The following USP3 variants were observed in gnomAD, a reference collection of about 807,000 sequenced individuals.
The protein encoded by USP3 is ubiquitin specific peptidase 3.
A neutral mutation model predicts 72.3 loss-of-function variants in USP3; 20 were observed. That is an observed-to-expected ratio of 0.28 (90% CI 0.19 to 0.40). The LOEUF is 0.40. USP3 is among the 10% of genes least tolerant of loss of function. The pLI is 1.00. For missense variants in USP3, 479 were observed against 633.9 expected, an observed-to-expected ratio of 0.76 and a Z score of 2.62; for synonymous variants, 222 against 225.3, an observed-to-expected ratio of 0.99 and a Z score of 0.13.
chr15:63,516,970 C>G (rs1444763728), intron 1 of USP3, among the ~76,000 whole-genome samples: 1 of 149,708 alleles, frequency 6.7e-6, no homozygotes, highest in Non-Finnish European at 1.5e-5. Context: ...TGTTGGGTGT[C>G]CTGAGTGTAG....
intron 3 of USP3, among the ~76,000 whole-genome samples, chr15:63,547,735 AGAG>A (rs1567108398): frequency 1.2e-4 from 5 of 42,434 alleles, no homozygotes; most frequent in East Asian, 6.2e-4. Context: ...AGAGAGAGAG[AGAG>A]AGAGAGGGAG....
intron 8 of USP3, among the ~76,000 whole-genome samples, chr15:63,564,882 A>G (rs1166150116): frequency 1.3e-5 from 2 of 152,208 alleles, no homozygotes; most frequent in East Asian, 3.8e-4. Context: ...TTGAGATTAT[A>G]TCATGGATAA....
intron 3 of USP3, chr15:63,542,068 G>T: frequency 5.1e-6 from 5 of 985,196 alleles, no homozygotes; most frequent in Non-Finnish European, 6.0e-6. Flanking sequence ...AGTGAAGAAT[G>T]GTTTGCTTTG....
At position 63,563,984 on chromosome 15, in the gene USP3, T is replaced by C. The variant is rs531314079; in HGVS notation, c.761+976T>C. On this transcript the variant is annotated intron_variant, in intron 8 of 14. Coordinates refer to ENST00000380324, the MANE Select transcript of USP3 (RefSeq NM_006537.4). ...AAGAAACTCCTTTTATGTATCATAC[T>C]ATTTAAATCTCCTGTCAGGAAAAAC... Among the ~76,000 whole-genome samples, 4 of 152,356 alleles carry C rather than the reference T, an allele frequency of 2.6e-5. No homozygotes were observed. In the South Asian group the frequency reaches 8.3e-4, roughly 32 times the overall value.
Position 63,594,142 on chromosome 15 carries a change from C to CCT in USP3, c.*3320_*3321dup, listed in dbSNP as rs1334927758. 1.3e-5 allele frequency: 2 copies of CCT among 152,292 alleles called. No individual in the cohort carries two copies. Among genetic ancestry groups the CCT allele is most frequent in the Non-Finnish European group, 2.9e-5 (2 of 68,132 alleles). The allele number at this position is 152,292 out of a possible 1,614,324, so 9.4% of individuals were successfully genotyped here. A position where few individuals can be genotyped will look rare whatever the true frequency, so the allele number is the denominator to read the frequency against. ...GGCATATTTATTTCTTAAAGCCAAACCTCTCCTTCATTGGTTTAGTGTACA... is the reference window on the plus strand; with the variant it reads ...GGCATATTTATTTCTTAAAGCCAAACCTCTCTCCTTCATTGGTTTAGTGTACA... On this transcript the variant is annotated 3_prime_UTR_variant, in exon 15 of 15. Transcript: ENST00000380324.
chr15:63,556,781 T>C (rs2066516952), intron 5 of USP3, 33 bp downstream of exon 5: 1 of 1,385,546 alleles, frequency 7.2e-7, no homozygotes, highest in Non-Finnish European at 9.9e-7. Flanking sequence ...AATATAAGAG[T>C]TAGTTGAGAT....
At position 63,553,911 on chromosome 15, in the gene USP3, T is replaced by C. The variant is rs1415117603; in HGVS notation, c.368+113T>C. On this transcript the variant is annotated intron_variant, in intron 4 of 14. Transcript: ENST00000380324. This position sits in a 1 kb window ranked among gnomAD's most constrained non-coding sequence, Gnocchi z 4.2. ...GTTTAATAACTTCATGTTTATAATA[T>C]GATTGAAATGTTAATAAAATAAACC... 4 of 752,334 alleles carry C rather than the reference T, an allele frequency of 5.3e-6. No homozygotes were observed. Among genetic ancestry groups the C allele is most frequent in the Non-Finnish European group, 8.2e-6 (4 of 490,646 alleles). 46.6% of individuals were successfully genotyped at this position (752,334 alleles called of 1,614,324 possible). A position where few individuals can be genotyped will look rare whatever the true frequency, so the allele number is the denominator to read the frequency against.
chr15:63,546,645 G>T (rs1179171801), intron 3 of USP3, among the ~76,000 whole-genome samples: 1 of 152,034 alleles, frequency 6.6e-6, no homozygotes, highest in Non-Finnish European at 1.5e-5. Flanking sequence ...TGTCGCCCAG[G>T]CTGGAATGCA....
At chr15:63,523,915 G>A (rs142334433) in intron 1 of USP3, among the ~76,000 whole-genome samples, 67 of 152,302 alleles carry the variant, frequency 4.4e-4, no homozygotes, top group African/African-American at 1.5e-3. Flanking sequence ...AGAAGCAAAA[G>A]GAAGGAAGGA....
chr15:63,583,248 A>C (rs968090873), intron 11 of USP3, among the ~76,000 whole-genome samples: 30 of 152,182 alleles, frequency 2.0e-4, no homozygotes, highest in African/African-American at 7.0e-4. Flanking sequence ...CTGGAGTGAC[A>C]GTATTTCAGA....
chr15:63,577,301 T>G (rs1407563623), intron 11 of USP3, among the ~76,000 whole-genome samples: 1 of 152,170 alleles, frequency 6.6e-6, no homozygotes, highest in East Asian at 1.9e-4. Context: ...ATACTAGAAA[T>G]ATAATTAGGT....
At chr15:63,516,593 A>G (rs1482213187) in intron 1 of USP3, among the ~76,000 whole-genome samples, 1 of 152,170 alleles carries the variant, frequency 6.6e-6, no homozygotes, top group Non-Finnish European at 1.5e-5. Flanking sequence ...TAGTAAGAAA[A>G]TAATTTTCCT....
In USP3 at chr15:63,574,054, C is replaced by T. The variant is rs764701879; in HGVS notation, c.917C>T (p.Ala306Val). ...SASNKCCING[A>V]STVVTAIFGG... ...GTGGTGATTTTGTTTAGAAATGGAG[C>T]ATCTACTGTTGTCACGGCTATATTC... is the stretch of plus-strand genomic sequence containing the variant. The change falls in exon 10 of 15, where the codon GCA becomes GTA. Residue 306 changes from alanine (A) to valine (V), a missense_variant. Physicochemically the swap from Ala to Val is moderately conservative, Grantham distance 64. Transcript: ENST00000380324. This position sits in a 1 kb window ranked among gnomAD's most constrained non-coding sequence, Gnocchi z 4.6. 2.5e-6 allele frequency: 4 copies of T among 1,577,450 alleles called. No homozygotes were observed. Among genetic ancestry groups the T allele is most frequent in the Non-Finnish European group, 3.4e-6 (4 of 1,160,268 alleles).
At chr15:63,546,724 C>T (rs1161805487) in intron 3 of USP3, among the ~76,000 whole-genome samples, 1 of 152,218 alleles carries the variant, frequency 6.6e-6, no homozygotes, top group Middle Eastern at 3.4e-3. Context: ...CTCAGCCTCC[C>T]GAGTAGCTGG....
At chr15:63,571,071 C>T (rs2066771244) in intron 9 of USP3, among the ~76,000 whole-genome samples, 1 of 152,114 alleles carries the variant, frequency 6.6e-6, no homozygotes, top group African/African-American at 2.4e-5. Context: ...TCTTGCCTCT[C>T]AATATGAATA....
rs950822031 is a variant in USP3, at chr15:63,556,857, G to A, written c.450+109G>A. 4.8e-6 allele frequency: 4 copies of A among 835,212 alleles called. No individual in the cohort carries two copies. In the African/African-American group the frequency reaches 5.2e-5, roughly 11 times the overall value. 51.7% of individuals were successfully genotyped at this position (835,212 alleles called of 1,614,324 possible). A position where few individuals can be genotyped will look rare whatever the true frequency, so the allele number is the denominator to read the frequency against. On this transcript the variant is annotated intron_variant, in intron 5 of 14. Coordinates refer to ENST00000380324, the MANE Select transcript of USP3 (RefSeq NM_006537.4). ...CTGTTACAGACTTTTATAAATGTGTGTCTTGGATTTGGAGTATTTTACACA... is the reference window on the plus strand; with the variant it reads ...CTGTTACAGACTTTTATAAATGTGTATCTTGGATTTGGAGTATTTTACACA...
chr15:63,572,000 T>C (rs1047898493), intron 9 of USP3, among the ~76,000 whole-genome samples: 2 of 152,140 alleles, frequency 1.3e-5, no homozygotes, highest in Non-Finnish European at 2.9e-5. Flanking sequence ...AAGGTGAAGG[T>C]GAGGACGGTG....
At chr15:63,516,381 C>T (rs2065850748) in intron 1 of USP3, among the ~76,000 whole-genome samples, 1 of 152,012 alleles carries the variant, frequency 6.6e-6, no homozygotes, top group Non-Finnish European at 1.5e-5. Context: ...ATATTAGATC[C>T]CTTATTTCTT....
chr15:63,545,050 A>T (rs1346482583), intron 3 of USP3, among the ~76,000 whole-genome samples: 1 of 141,678 alleles, frequency 7.1e-6, no homozygotes, highest in Non-Finnish European at 1.6e-5. Context: ...AGGCAAGGTT[A>T]AATACTAGAA....
Sources: gnomAD v4.1 joint callset for allele counts (sites outside exome capture counted in the v4.1 genomes callset) on GRCh38, gnomAD v4.1.1 for gene constraint, Gnocchi (gnomAD v3.1) non-coding constraint, MANE v1.5 for transcripts, NCBI Gene and HGNC (gene_info 2026-07-23, HGNC 2026-07-21) for gene names.